LRIG3: variants seen among roughly 807,000 people sequenced by gnomAD.
LRIG3 encodes the protein leucine-rich repeats and immunoglobulin-like domains protein 3.
A neutral mutation model predicts 114.5 loss-of-function variants in LRIG3; 76 were observed. The observed-to-expected ratio is 0.66, with a 90% CI of 0.55 to 0.80. The LOEUF is 0.80. Among genes scored for constraint, LRIG3 ranks in the 30% least tolerant of loss-of-function variants. LRIG3 has a pLI of 0.00. For missense variants in LRIG3, 1,239 were observed against 1,382.8 expected, an observed-to-expected ratio of 0.90 and a Z score of 1.65; for synonymous variants, 512 against 519.8, an observed-to-expected ratio of 0.98 and a Z score of 0.20.
intron 14 of LRIG3, among the ~76,000 whole-genome samples, chr12:58,878,157 T>C (rs563263248): frequency 3.2e-4 from 48 of 152,014 alleles, no homozygotes; most frequent in African/African-American, 9.9e-4. Context: ...TTTTTAAAAA[T>C]AGAAAGTACA....
rs1193010598 is a variant in LRIG3 at position 58,908,493 on chromosome 12, G to A, written c.383+5489C>T. 3.3e-5 allele frequency among the ~76,000 whole-genome samples: 5 copies of A among 152,158 alleles called. No homozygotes were observed. In the East Asian group the frequency reaches 9.6e-4, roughly 29 times the overall value. On this transcript the variant is annotated intron_variant, in intron 3 of 18. Coordinates refer to ENST00000320743, the MANE Select transcript of LRIG3 (RefSeq NM_153377.5). ...ATGCTTAGAAAGGCATATGGGAAAGGGGGCTTTTATTTCCCACCTCATACA... is the reference window on the plus strand; with the variant it reads ...ATGCTTAGAAAGGCATATGGGAAAGAGGGCTTTTATTTCCCACCTCATACA...
chr12:58,882,849 A>G lies in LRIG3; in HGVS notation c.1480+20T>C. The stretch of plus-strand genomic sequence containing the variant: ...AAAAAAGAAGAATAAATAAAAGGCA[A>G]GGGCAATACTTATACTCACCACACA... On this transcript the variant is annotated intron_variant, in intron 12 of 18. Transcript: ENST00000320743. 6.4e-7 allele frequency: 1 copy of G among 1,563,360 alleles called. No individual in the cohort carries two copies. Among genetic ancestry groups the G allele is most frequent in the Non-Finnish European group, 8.7e-7 (1 of 1,154,654 alleles).
chr12:58,884,382 G>A (rs1381891555), intron 10 of LRIG3, among the ~76,000 whole-genome samples: 1 of 152,122 alleles, frequency 6.6e-6, no homozygotes, highest in Non-Finnish European at 1.5e-5. Flanking sequence ...AATATTGAGT[G>A]AGACAAGTGG....
At position 58,882,885 on chromosome 12, in the gene LRIG3, TG is replaced by T. The variant is rs1357394123; in HGVS notation, c.1463del (p.Pro488GlnfsTer24). 1 of 1,613,824 alleles carries T rather than the reference TG, an allele frequency of 6.2e-7. No homozygotes were observed. The highest frequency in any genetic ancestry group is 1.1e-5 in the South Asian group (1 of 91,042). On this transcript the variant is annotated frameshift_variant, in exon 12 of 19. Transcript: ENST00000320743. LOFTEE classifies it high-confidence loss of function. ...LKGRSIFAVS[P>X]DGFVCDDFPK... ...TATACTCACCACACACAAAGCCATC[TG>T]GGCTAACAGCAAAAATGCTTCTTCC...
At chr12:58,916,947 C>A (rs962981519) in intron 1 of LRIG3, among the ~76,000 whole-genome samples, 1 of 152,192 alleles carries the variant, frequency 6.6e-6, no homozygotes, top group Non-Finnish European at 1.5e-5. Flanking sequence ...CTTAAGCAAT[C>A]CCACTGGGGC....
At chr12:58,896,706 T>C (rs1474024079) in intron 3 of LRIG3, among the ~76,000 whole-genome samples, 1 of 152,340 alleles carries the variant, frequency 6.6e-6, no homozygotes, top group East Asian at 1.9e-4. Flanking sequence ...TTCCTTAGAA[T>C]GCATCACTCT....
At chr12:58,878,130 G>A (rs1870992471) in intron 14 of LRIG3, among the ~76,000 whole-genome samples, 1 of 152,094 alleles carries the variant, frequency 6.6e-6, no homozygotes, top group African/African-American at 2.4e-5. Context: ...TAGGGGGGGA[G>A]AGTGGGAAAC....
chr12:58,890,334 C>T (rs532006229), intron 4 of LRIG3, among the ~76,000 whole-genome samples, 195 bp from the exon 5 acceptor site: 8 of 152,160 alleles, frequency 5.3e-5, no homozygotes, highest in Non-Finnish European at 8.8e-5. Context: ...AAATATGTGA[C>T]GGATGCAAAA....
At chr12:58,899,255 T>C (rs1871756282) in intron 3 of LRIG3, among the ~76,000 whole-genome samples, 1 of 152,234 alleles carries the variant, frequency 6.6e-6, no homozygotes, top group South Asian at 2.1e-4. Context: ...ACTCAGTAGG[T>C]CCTTTCAATC....
At chr12:58,908,661 A>C (rs1217503497) in intron 3 of LRIG3, among the ~76,000 whole-genome samples, 1 of 152,214 alleles carries the variant, frequency 6.6e-6, no homozygotes, top group African/African-American at 2.4e-5. Flanking sequence ...AGTTGAACAC[A>C]AGTTATGTAA....
At position 58,886,813 on chromosome 12, in the gene LRIG3, C is replaced by T. The variant is rs201211812; in HGVS notation, c.1169G>A (p.Arg390Gln). The change falls in exon 9 of 19, where the codon CGA becomes CAA. Residue 390 changes from arginine (R) to glutamine (Q), a missense_variant. Arg to Gln is a conservative substitution (Grantham distance 43, BLOSUM62 1). Coordinates refer to ENST00000320743, the MANE Select transcript of LRIG3 (RefSeq NM_153377.5). ...TTATGAGGCAATTCATACTCACAGTCGCCTCAGTTTGTCAAGCCCAGAGAA... is the reference window on the plus strand; with the variant it reads ...TTATGAGGCAATTCATACTCACAGTTGCCTCAGTTTGTCAAGCCCAGAGAA... The part of the protein sequence containing the change: ...GAFSGLDKLR[R>Q]LILQGNRIRS... 2.7e-5 allele frequency: 43 copies of T among 1,612,736 alleles called. 1 individual carries two copies. The highest frequency in any genetic ancestry group is 2.0e-4 in the East Asian group (9 of 44,852).
At chr12:58,919,090 TA>T (rs1872578353) in intron 1 of LRIG3, among the ~76,000 whole-genome samples, 1 of 152,206 alleles carries the variant, frequency 6.6e-6, no homozygotes, top group African/African-American at 2.4e-5. Context: ...ACAACTACTT[TA>T]AAAAATACAA....
chr12:58,913,159 C>G (rs1305182979), intron 3 of LRIG3, among the ~76,000 whole-genome samples: 1 of 152,214 alleles, frequency 6.6e-6, no homozygotes, highest in East Asian at 1.9e-4. Context: ...CAACACCTCT[C>G]TCAGAAGCAA....
chr12:58,872,940 A>G (rs1229149289), intron 18 of LRIG3, 124 bp from the exon 19 acceptor site: 2 of 1,293,846 alleles, frequency 1.5e-6, no homozygotes, highest in East Asian at 2.3e-5. Context: ...ACAAGTCCAC[A>G]TTATGGCACT....
chr12:58,882,764 A>C, intron 12 of LRIG3, 105 bp downstream of exon 12: 1 of 1,249,390 alleles, frequency 8.0e-7, no homozygotes, highest in Non-Finnish European at 1.1e-6. Context: ...GCAGAAATAA[A>C]AGCTTTATAA....
chr12:58,902,047 A>G (rs533566082), intron 3 of LRIG3, among the ~76,000 whole-genome samples: 7 of 152,316 alleles, frequency 4.6e-5, no homozygotes, highest in Non-Finnish European at 1.0e-4. Flanking sequence ...AACTCCTTTC[A>G]CTTTTTCTTT....
chr12:58,880,395 C>T (rs1350781696), intron 13 of LRIG3, 186 bp downstream of exon 13: 2 of 712,178 alleles, frequency 2.8e-6, no homozygotes, highest in Non-Finnish European at 5.0e-6. Flanking sequence ...TCGTCTTCAA[C>T]ATAATTGCAG....
At chr12:58,911,754 C>T (rs374228896) in intron 3 of LRIG3, among the ~76,000 whole-genome samples, 1 of 152,006 alleles carries the variant, frequency 6.6e-6, no homozygotes, top group Non-Finnish European at 1.5e-5. Flanking sequence ...TTTTACTCTA[C>T]ACAACACAAA....
intron 3 of LRIG3, among the ~76,000 whole-genome samples, chr12:58,895,569 G>A (rs938975731): frequency 3.3e-5 from 5 of 152,166 alleles, no homozygotes; most frequent in Admixed American, 1.3e-4. Flanking sequence ...TGAGGCCGCC[G>A]GGAGATGACA....
Sources: gnomAD v4.1 joint callset for allele counts (sites outside exome capture counted in the v4.1 genomes callset) on GRCh38, gnomAD v4.1.1 for gene constraint, MANE v1.5 for transcripts, NCBI Gene and HGNC (gene_info 2026-07-23, HGNC 2026-07-21) for gene names.